The following PRKN variants were observed in gnomAD, a reference collection of about 807,000 sequenced individuals.
The protein encoded by PRKN is parkin RBR E3 ubiquitin protein ligase.
A neutral mutation model predicts 59.5 loss-of-function variants in PRKN; 56 were observed. The observed-to-expected ratio is 0.94, with a 90% confidence interval of 0.76 to 1.18. The LOEUF (loss-of-function observed/expected upper bound fraction) is 1.18. Ranked by LOEUF, PRKN falls within the 50% of genes most tolerant of loss-of-function variation. PRKN has a pLI of 0.00. For missense variants in PRKN, 657 were observed against 596.4 expected, an observed-to-expected ratio of 1.10 and a Z score of -1.06; for synonymous variants, 250 against 222.1, an observed-to-expected ratio of 1.13 and a Z score of -1.12.
chr6:161,899,871 C>A (rs545269476), intron 6 of PRKN, among the ~76,000 whole-genome samples: 2 of 152,072 alleles, frequency 1.3e-5, no homozygotes, highest in Non-Finnish European at 2.9e-5. Context: ...GCCTGTAATC[C>A]CAGCACTTTG....
intron 4 of PRKN, among the ~76,000 whole-genome samples, chr6:162,178,545 T>G (rs1266225694): frequency 6.6e-6 from 1 of 152,150 alleles, no homozygotes; most frequent in Admixed American, 6.5e-5. Context: ...ATTAAATCCC[T>G]CAAGTACCTA....
intron 7 of PRKN, among the ~76,000 whole-genome samples, chr6:161,725,558 T>C (rs1787406155): frequency 6.6e-6 from 1 of 152,138 alleles, no homozygotes; most frequent in South Asian, 2.1e-4. Flanking sequence ...AGCACAGGTA[T>C]TCACAAAGCA....
At chr6:162,331,230 G>A (rs756316716) in intron 2 of PRKN, among the ~76,000 whole-genome samples, 4 of 150,724 alleles carry the variant, frequency 2.7e-5, no homozygotes, top group Non-Finnish European at 4.4e-5. Flanking sequence ...TCTGTGCCCC[G>A]CCATAATTCA....
chr6:161,490,308 T>TCTTGCTTG (rs111399768), intron 9 of PRKN, among the ~76,000 whole-genome samples: 1 of 143,424 alleles, frequency 7.0e-6, no homozygotes, highest in African/African-American at 2.6e-5. Flanking sequence ...TACTTTTCTT[T>TCTTGCTTG]CTTGCTTGCT....
At chr6:162,039,478 C>A (rs1783978787) in intron 5 of PRKN, among the ~76,000 whole-genome samples, 1 of 152,104 alleles carries the variant, frequency 6.6e-6, no homozygotes, top group Non-Finnish European at 1.5e-5. Flanking sequence ...CTCCTGAGAA[C>A]TGGTTGTTGA....
At chr6:161,506,586 C>T (rs943650558) in intron 9 of PRKN, among the ~76,000 whole-genome samples, 2 of 152,144 alleles carry the variant, frequency 1.3e-5, no homozygotes, top group Non-Finnish European at 2.9e-5. Context: ...TGAATGACTG[C>T]TCTGGGCTGG....
intron 4 of PRKN, among the ~76,000 whole-genome samples, chr6:162,077,477 G>A (rs983979627): frequency 6.6e-6 from 1 of 152,038 alleles, no homozygotes; most frequent in Non-Finnish European, 1.5e-5. Flanking sequence ...CTTTATGGCT[G>A]TTTATTTTGT....
At chr6:161,827,072 A>AAT (rs1160815224) in intron 6 of PRKN, among the ~76,000 whole-genome samples, 1 of 152,154 alleles carries the variant, frequency 6.6e-6, no homozygotes, top group Non-Finnish European at 1.5e-5. Flanking sequence ...GAGCCAGGAA[A>AAT]ATTCTGTCTG....
intron 1 of PRKN, among the ~76,000 whole-genome samples, chr6:162,585,722 T>G (rs1038584297): frequency 6.6e-6 from 1 of 152,184 alleles, no homozygotes; most frequent in Non-Finnish European, 1.5e-5. Flanking sequence ...ATTTATTTGA[T>G]ATGGAGTTTT....
At chr6:162,565,269 G>C (rs1191403033) in intron 1 of PRKN, among the ~76,000 whole-genome samples, 1 of 152,076 alleles carries the variant, frequency 6.6e-6, no homozygotes, top group African/African-American at 2.4e-5. Flanking sequence ...AAACTAAAAC[G>C]TATCACCAGA....
intron 6 of PRKN, among the ~76,000 whole-genome samples, chr6:161,899,143 G>A (rs1777782622): frequency 1.3e-5 from 2 of 152,242 alleles, no homozygotes; most frequent in African/African-American, 4.8e-5. Context: ...AGTGACTGTG[G>A]AGTGGGGAGG....
At chr6:161,838,159 T>C (rs1313803595) in intron 6 of PRKN, among the ~76,000 whole-genome samples, 2 of 152,344 alleles carry the variant, frequency 1.3e-5, no homozygotes, top group South Asian at 4.1e-4. Flanking sequence ...CCATTTTACA[T>C]ACATTGACTC....
chr6:161,942,375 A>C (rs1040796359), intron 6 of PRKN, among the ~76,000 whole-genome samples: 4 of 152,112 alleles, frequency 2.6e-5, no homozygotes, highest in Admixed American at 1.3e-4. Flanking sequence ...TACTAAAAAT[A>C]CAAAAATTAG....
At chr6:162,440,808 G>C (rs1244375267) in intron 2 of PRKN, among the ~76,000 whole-genome samples, 2 of 151,722 alleles carry the variant, frequency 1.3e-5, no homozygotes, top group African/African-American at 2.4e-5. Flanking sequence ...TGCTTATACT[G>C]TGAAATATAG....
chr6:162,567,049 T>G (rs1286319562), intron 1 of PRKN, among the ~76,000 whole-genome samples: 1 of 152,144 alleles, frequency 6.6e-6, no homozygotes, highest in African/African-American at 2.4e-5. Context: ...AAGCATTTAA[T>G]AAAATTCAAC....
Position 161,652,706 on chromosome 6 carries a change from A to G in PRKN, c.872-83290T>C, listed in dbSNP as rs1784195191. The stretch of plus-strand genomic sequence containing the variant: ...AAAACATGATATATGATTCTAATGG[A>G]GAAGATAATGTGATACTCTCTAGCT... On this transcript the variant is annotated intron_variant, in intron 7 of 11. Coordinates refer to ENST00000366898, the MANE Select transcript of PRKN (RefSeq NM_004562.3). Among the ~76,000 whole-genome samples, 3 of 152,186 alleles carry G rather than the reference A, an allele frequency of 2.0e-5. No homozygotes were observed. The South Asian group carries it at 6.2e-4, about 32-fold the overall frequency.
intron 6 of PRKN, among the ~76,000 whole-genome samples, chr6:161,871,914 T>G (rs9355365): frequency 0.33 from 50,324 of 152,122 alleles, 8,570 homozygotes; most frequent in African/African-American, 0.39. Flanking sequence ...CTGACCGTCT[T>G]CTGTGTGCCA....
intron 1 of PRKN, among the ~76,000 whole-genome samples, chr6:162,696,179 C>T (rs777295300): frequency 5.2e-4 from 79 of 152,122 alleles, no homozygotes; most frequent in Non-Finnish European, 7.9e-4. Flanking sequence ...AAAAATGTCC[C>T]GGTAGCAATG....
intron 1 of PRKN, among the ~76,000 whole-genome samples, chr6:162,696,558 AC>A (rs1777974567): frequency 8.4e-6 from 1 of 119,346 alleles, no homozygotes; most frequent in Non-Finnish European, 1.8e-5. Flanking sequence ...GTCAGGAAAA[AC>A]TTTTTTTTTT....
Sources: allele counts gnomAD v4.1 joint callset (sites outside exome capture counted in the v4.1 genomes callset), GRCh38; gene constraint gnomAD v4.1.1; transcripts MANE v1.5; gene names NCBI Gene and HGNC (gene_info 2026-07-23, HGNC 2026-07-21).